Variants in FBXL2 observed in about 807,000 individuals in gnomAD.
FBXL2 encodes F-box and leucine rich repeat protein 2, also known as F-box/LRR-repeat protein 2.
Under a neutral mutation model 69.2 loss-of-function variants are expected in FBXL2, and 38 were observed. That is an observed-to-expected ratio of 0.55 (90% CI 0.42 to 0.72). The LOEUF (loss-of-function observed/expected upper bound fraction) is 0.72, where lower values mean the gene tolerates loss of function less well. FBXL2 is among the 30% of genes least tolerant of loss of function. The pLI is 0.00. For missense variants in FBXL2, 354 were observed against 520.3 expected (o/e 0.68, Z 3.11); for synonymous variants, 192 against 201.3 (o/e 0.95, Z 0.39).
chr3:33,384,571 GATCA>G (rs1485355759), intron 14 of FBXL2, among the ~76,000 whole-genome samples: 2 of 152,096 alleles, frequency 1.3e-5, no homozygotes, highest in Non-Finnish European at 2.9e-5. Flanking sequence ...AAAATAAATC[GATCA>G]ATCAACACTC....
At chr3:33,311,663 C>A (rs985124086) in intron 2 of FBXL2, among the ~76,000 whole-genome samples, 3 of 151,730 alleles carry the variant, frequency 2.0e-5, no homozygotes, top group African/African-American at 7.3e-5. Flanking sequence ...TTGCTCTGTT[C>A]GCCCAGGCTG....
downstream of FBXL2, among the ~76,000 whole-genome samples, chr3:33,407,257 C>CTTGAG (rs150928445): frequency 0.014 from 2,116 of 152,286 alleles, 21 homozygotes; most frequent in South Asian, 0.026. Context: ...ATACTTTAGA[C>CTTGAG]TTAAGAATCA....
chr3:33,403,703 C>A (rs1021225846), downstream of FBXL2: 1 of 152,150 alleles, frequency 6.6e-6, no homozygotes, highest in African/African-American at 2.4e-5. Context: ...AACAAAGACA[C>A]GGAGATACAC....
In FBXL2 at chr3:33,327,257, T is replaced by C. The variant is rs76305244; in HGVS notation, c.65+29532T>C. 3.0e-3 allele frequency among the ~76,000 whole-genome samples: 460 copies of C among 152,310 alleles called. 1 individual carries two copies. Among genetic ancestry groups the C allele is most frequent in the Non-Finnish European group, 5.2e-3 (355 of 68,016 alleles). ...AAAATCTGGAGGCTCAAAAGTTGAA[T>C]GGCATAATCAAGATTCCACAGCTGG... On this transcript the variant is annotated intron_variant, in intron 2 of 14. Coordinates refer to ENST00000484457, the MANE Select transcript of FBXL2 (RefSeq NM_012157.5).
Position 33,375,402 on chromosome 3 carries a change from A to G in FBXL2, c.772A>G (p.Asn258Asp), listed in dbSNP as rs2042571319. The G allele has an allele frequency of 1.2e-6, 2 of 1,614,060 alleles. No individual in the cohort carries two copies. Among genetic ancestry groups the G allele is most frequent in the Non-Finnish European group, 1.7e-6 (2 of 1,179,974 alleles). Reference protein sequence around the residue: ...TDASLTALGLNCPRLQILEAA... With the variant: ...TDASLTALGLDCPRLQILEAA... ...TGCCTCTCTTACAGCCCTGGGTTTG[A>G]ACTGTCCGCGACTGCAGTGAGTACA... Residue 258 changes from asparagine to aspartate, a missense_variant, in exon 10 of 15, where the codon AAC becomes GAC. By Grantham distance (23) the Asn-to-Asp change is conservative. Coordinates refer to ENST00000484457, the MANE Select transcript of FBXL2 (RefSeq NM_012157.5).
the FBXL2 span, chr3:33,409,198 T>C: frequency 1.3e-6 from 2 of 1,596,602 alleles, no homozygotes; most frequent in Non-Finnish European, 8.6e-7. Context: ...TATGCAACCT[T>C]TGCTTCTCTT....
At chr3:33,383,675 TAGAAGAG>T (rs748139791) in intron 13 of FBXL2, 35 of 321,230 alleles carry the variant, frequency 1.1e-4, no homozygotes, top group Non-Finnish European at 1.9e-4. Flanking sequence ...TTTACACAAT[TAGAAGAG>T]AGAAGCCACT....
intron 1 of FBXL2, among the ~76,000 whole-genome samples, chr3:33,286,734 A>G (rs957148538): frequency 1.3e-5 from 2 of 152,212 alleles, no homozygotes; most frequent in African/African-American, 2.4e-5. Context: ...AGCCTCAGCA[A>G]TGGCGGGCCC....
Position 33,286,388 on chromosome 3 carries a change from T to C in FBXL2, c.3+8873T>C, listed in dbSNP as rs1284773612. 2.0e-5 allele frequency among the ~76,000 whole-genome samples: 3 copies of C among 152,180 alleles called. No homozygotes were observed. The East Asian group carries it at 5.8e-4, about 29-fold the overall frequency. On this transcript the variant is annotated intron_variant, in intron 1 of 14. Coordinates refer to ENST00000484457, the MANE Select transcript of FBXL2 (RefSeq NM_012157.5). ...AACGGCAAATGTTGCTGCCTGATCC[T>C]TCCTCTGGAAGCTTCGTCTCAGATG...
chr3:33,409,263 C>T, the FBXL2 span: 46 of 1,613,928 alleles, frequency 2.9e-5, no homozygotes, highest in East Asian at 5.6e-4. Flanking sequence ...TATCATAGGA[C>T]GGCTGATACT....
chr3:33,303,563 C>T (rs1252914403), intron 2 of FBXL2, among the ~76,000 whole-genome samples: 1 of 152,062 alleles, frequency 6.6e-6, no homozygotes, highest in Admixed American at 6.6e-5. Flanking sequence ...TACATTTTGC[C>T]TCAGAGCCTT....
chr3:33,359,369 T>A lies in FBXL2; in HGVS notation c.195+12T>A. ...AAACAGATGTAGAGGTAAGTTAGCT[T>A]TGGTTTAGACAAAAAACTTTTTAAA... is the stretch of plus-strand genomic sequence containing the variant. On this transcript the variant is annotated intron_variant, in intron 4 of 14. Coordinates refer to ENST00000484457, the MANE Select transcript of FBXL2 (RefSeq NM_012157.5). 1 of 1,604,832 alleles carries A rather than the reference T, an allele frequency of 6.2e-7. No homozygotes were observed. Among genetic ancestry groups the A allele is most frequent in the African/African-American group, 1.3e-5 (1 of 74,838 alleles).
the FBXL2 span, chr3:33,416,908 A>G: frequency 7.8e-7 from 1 of 1,279,770 alleles, no homozygotes; most frequent in Non-Finnish European, 1.1e-6. Context: ...TTCAAAATGC[A>G]TGTTTCTCAG....
In FBXL2 at chr3:33,317,354, C is replaced by T. The variant is rs554668341; in HGVS notation, c.65+19629C>T. 1,184 of 409,390 alleles carry T rather than the reference C, an allele frequency of 2.9e-3. 4 individuals are homozygous for T. The highest frequency in any genetic ancestry group is 3.7e-3 in the Admixed American group (138 of 37,304). The allele number at this position is 409,390 out of a possible 1,614,324, so 25.4% of individuals were successfully genotyped here. ...AGAGAAAACCCAAATCCCATTCATT[C>T]ACTGCATCCAATTCATAGTTCAGGG... On this transcript the variant is annotated intron_variant, in intron 2 of 14. Transcript: ENST00000484457.
At chr3:33,392,514 C>A (rs577248151), downstream of FBXL2, 19 of 1,532,072 alleles carry the variant, frequency 1.2e-5, no homozygotes, top group East Asian at 4.1e-4. Context: ...GAGGCACACA[C>A]CATCTCTCAT....
At chr3:33,407,947 C>T (rs1199516642), downstream of FBXL2, among the ~76,000 whole-genome samples, 1 of 152,140 alleles carries the variant, frequency 6.6e-6, no homozygotes, top group South Asian at 2.1e-4. Flanking sequence ...AGAGTCATGT[C>T]ATAAAATAAA....
At chr3:33,342,794 C>T (rs1167929897) in intron 2 of FBXL2, among the ~76,000 whole-genome samples, 4 of 122,784 alleles carry the variant, frequency 3.3e-5, no homozygotes, top group Non-Finnish European at 6.4e-5. Context: ...GGCGCGATCT[C>T]GGCTCACTGC....
At chr3:33,323,559 GT>G (rs369612468) in intron 2 of FBXL2, among the ~76,000 whole-genome samples, 57 of 152,220 alleles carry the variant, frequency 3.7e-4, no homozygotes, top group African/African-American at 1.4e-3. Context: ...AACAGGCGGT[GT>G]TTGGTTTTCT....
At chr3:33,412,967 CT>C in the FBXL2 span, 1 of 521,286 alleles carries the variant, frequency 1.9e-6, no homozygotes, top group Non-Finnish European at 3.5e-6. Context: ...TAAGTGAACT[CT>C]TTTGCCCTTG....
Sources: allele counts gnomAD v4.1 joint callset (sites outside exome capture counted in the v4.1 genomes callset), GRCh38; gene constraint gnomAD v4.1.1; transcripts MANE v1.5; gene names NCBI Gene and HGNC (gene_info 2026-07-23, HGNC 2026-07-21).